The following COBL variants were observed in gnomAD, a reference collection of about 807,000 sequenced individuals.
COBL encodes the protein protein cordon-bleu.
Under a neutral mutation model 98.8 loss-of-function variants are expected in COBL, and 51 were observed. That is an observed-to-expected ratio of 0.52 (90% CI 0.41 to 0.65). COBL has a LOEUF of 0.65. Ranked by LOEUF, COBL falls within the 30% of genes least tolerant of loss-of-function variation. COBL has a pLI of 0.00. For missense variants in COBL, 1,617 were observed against 1,617.5 expected (o/e 1.00, Z 0.01); for synonymous variants, 634 against 651.7 (o/e 0.97, Z 0.41).
rs556647917 is a variant in COBL, at chr7:51,229,127, T to C, written c.42-9183A>G. On this transcript the variant is annotated intron_variant, in intron 1 of 12. Transcript: ENST00000265136. ...GCACAGCCAACGCTGTTCCAGGAGC[T>C]AACGGACAGAAACCGCTCCTTGGGC... 3.3e-3 allele frequency among the ~76,000 whole-genome samples: 506 copies of C among 152,284 alleles called. 2 individuals carry two copies. The highest frequency in any genetic ancestry group is 5.8e-3 in the Non-Finnish European group (392 of 68,018).
At chr7:51,253,355 A>C (rs957563057) in intron 1 of COBL, among the ~76,000 whole-genome samples, 1 of 152,206 alleles carries the variant, frequency 6.6e-6, no homozygotes, top group Non-Finnish European at 1.5e-5. Context: ...TACTCTTGCC[A>C]GCAGGAGGCC....
At chr7:51,218,829 T>C (rs530067877) in intron 2 of COBL, among the ~76,000 whole-genome samples, 2 of 152,354 alleles carry the variant, frequency 1.3e-5, no homozygotes, top group Non-Finnish European at 2.9e-5. Context: ...AATTCACTGC[T>C]GCATCAGAAT....
chr7:51,136,429 G>A, intron 5 of COBL, 98 bp from the exon 6 acceptor site: 1 of 1,252,976 alleles, frequency 8.0e-7, no homozygotes, highest in Non-Finnish European at 1.1e-6. Flanking sequence ...CCGTCCACCT[G>A]AGCTTGAACG....
At chr7:51,019,852 C>T (rs1404825676) in intron 12 of COBL, among the ~76,000 whole-genome samples, 1 of 152,146 alleles carries the variant, frequency 6.6e-6, no homozygotes, top group African/African-American at 2.4e-5. Flanking sequence ...AATTGCTATT[C>T]CCTCGTCACA....
In COBL at chr7:51,257,681, T is replaced by C. The variant is rs116419451; in HGVS notation, c.42-37737A>G. Among the ~76,000 whole-genome samples the C allele has an allele frequency of 9.7e-3, 1,483 of 152,260 alleles. 22 individuals carry two copies. Among genetic ancestry groups the C allele is most frequent in the African/African-American group, 0.034 (1,415 of 41,562 alleles). Reference sequence around the variant, plus strand: ...AATATACATAATTTTATAAGATGTATACATAAAATATATTTCAGTTAAAAT... The same window carrying C: ...AATATACATAATTTTATAAGATGTACACATAAAATATATTTCAGTTAAAAT... On this transcript the variant is annotated intron_variant, in intron 1 of 12. Transcript: ENST00000265136.
At chr7:51,285,138 G>C (rs1198572045) in intron 1 of COBL, among the ~76,000 whole-genome samples, 3 of 151,798 alleles carry the variant, frequency 2.0e-5, no homozygotes, top group African/African-American at 7.3e-5. Context: ...GTACAGACAG[G>C]GTTTCAACAT....
intron 1 of COBL, among the ~76,000 whole-genome samples, chr7:51,299,887 T>C (rs879347070): frequency 3.3e-5 from 5 of 152,186 alleles, no homozygotes; most frequent in Non-Finnish European, 7.3e-5. Context: ...TCAATGACCA[T>C]GCACTTAAAT....
chr7:51,110,631 C>A, intron 6 of COBL, among the ~76,000 whole-genome samples: 1 of 152,166 alleles, frequency 6.6e-6, no homozygotes, highest in Non-Finnish European at 1.5e-5. Flanking sequence ...TTGGTACACC[C>A]ATCACCCAAG....
chr7:51,219,242 G>A (rs1432844346), intron 2 of COBL, among the ~76,000 whole-genome samples: 1 of 152,212 alleles, frequency 6.6e-6, no homozygotes, highest in Non-Finnish European at 1.5e-5. Context: ...CCATGATTGG[G>A]TTGGTTTATT....
chr7:51,055,681 G>A (rs1348617069), intron 7 of COBL, among the ~76,000 whole-genome samples: 3 of 152,182 alleles, frequency 2.0e-5, no homozygotes, highest in African/African-American at 4.8e-5. Context: ...CCGGCCGGCC[G>A]GCCTGGGCGA....
At chr7:51,026,326 T>A (rs1787548758) in intron 11 of COBL, among the ~76,000 whole-genome samples, 1 of 152,200 alleles carries the variant, frequency 6.6e-6, no homozygotes, top group Non-Finnish European at 1.5e-5. Context: ...TGAGAGAGTG[T>A]CTGGAAGCTC....
chr7:51,213,865 C>T (rs1157202221), intron 2 of COBL, among the ~76,000 whole-genome samples: 2 of 152,078 alleles, frequency 1.3e-5, no homozygotes, highest in Non-Finnish European at 2.9e-5. Context: ...GCAGCTGCTA[C>T]CAGTCTGTGA....
chr7:51,173,570 G>C (rs998226521), intron 5 of COBL, among the ~76,000 whole-genome samples: 1 of 152,054 alleles, frequency 6.6e-6, no homozygotes, highest in Non-Finnish European at 1.5e-5. Context: ...ATATGATCCA[G>C]AAAAGAAAAA....
chr7:51,142,191 G>C (rs1799820413), intron 5 of COBL, among the ~76,000 whole-genome samples: 1 of 151,874 alleles, frequency 6.6e-6, no homozygotes, highest in South Asian at 2.1e-4. Flanking sequence ...CTCTTTTTTG[G>C]CCAAGTACCC....
chr7:51,105,183 C>G (rs910111329), intron 6 of COBL, among the ~76,000 whole-genome samples: 1 of 151,908 alleles, frequency 6.6e-6, no homozygotes, highest in Non-Finnish European at 1.5e-5. Context: ...ACAAGACGCC[C>G]GATCTTCCAA....
intron 1 of COBL, among the ~76,000 whole-genome samples, chr7:51,285,902 T>C (rs1800312431): frequency 6.6e-6 from 1 of 152,204 alleles, no homozygotes; most frequent in Admixed American, 6.5e-5. Context: ...ATAAATCAAT[T>C]AAACAAGACT....
intron 1 of COBL, among the ~76,000 whole-genome samples, chr7:51,284,145 A>G (rs1800076045): frequency 6.7e-6 from 1 of 150,162 alleles, no homozygotes; most frequent in South Asian, 2.1e-4. Flanking sequence ...AAAAAAAAAA[A>G]AAAAAAAGCA....
At chr7:51,268,148 C>T (rs61497240) in intron 1 of COBL, among the ~76,000 whole-genome samples, 9,307 of 152,196 alleles carry the variant, frequency 0.061, 536 homozygotes, top group East Asian at 0.3. Context: ...GCACTGTTCT[C>T]GCCCACTCTC....
chr7:51,243,361 CAG>C (rs1282438230), intron 1 of COBL, among the ~76,000 whole-genome samples: 3 of 152,160 alleles, frequency 2.0e-5, no homozygotes, highest in Admixed American at 1.3e-4. Context: ...AGTGGTGACA[CAG>C]GGGTGACGGT....
Sources: gnomAD v4.1 joint callset for allele counts (sites outside exome capture counted in the v4.1 genomes callset) on GRCh38, gnomAD v4.1.1 for gene constraint, MANE v1.5 for transcripts, NCBI Gene and HGNC (gene_info 2026-07-23, HGNC 2026-07-21) for gene names.